The following MAP2K1 variants were observed in gnomAD, a reference collection of about 807,000 sequenced individuals.
MAP2K1 encodes mitogen-activated protein kinase kinase 1, also known as dual specificity mitogen-activated protein kinase kinase 1.
Under a neutral mutation model 46.3 loss-of-function variants are expected in MAP2K1, and 16 were observed. The observed-to-expected ratio is 0.35, with a 90% CI of 0.23 to 0.52. MAP2K1 has a LOEUF of 0.52. MAP2K1 is among the 20% of genes least tolerant of loss of function. The pLI is 0.94. For missense variants in MAP2K1, 263 were observed against 497.1 expected, an observed-to-expected ratio of 0.53 and a Z score of 4.48; for synonymous variants, 183 against 185.6, an observed-to-expected ratio of 0.99 and a Z score of 0.11.
intron 1 of MAP2K1, among the ~76,000 whole-genome samples, chr15:66,427,728 C>T (rs901708721): frequency 2.0e-5 from 3 of 151,908 alleles, no homozygotes; most frequent in Non-Finnish European, 2.9e-5. Flanking sequence ...TTTAAGAAAC[C>T]TCTCTGGCCA....
chr15:66,485,147 C>A lies in MAP2K1; in HGVS notation c.851C>A (p.Ala284Asp), dbSNP rs1338185628. 4 of 1,613,902 alleles carry A rather than the reference C, an allele frequency of 2.5e-6. No homozygotes were observed. In the African/African-American group the frequency reaches 5.3e-5, roughly 22 times the overall value. The stretch of plus-strand genomic sequence containing the variant: ...GGGTGCCAGGTGGAAGGAGATGCGG[C>A]TGAGACCCCACCCAGGCCAAGGACC... ...MFGCQVEGDA[A>D]ETPPRPRTPG... The change falls in exon 7 of 11, where the codon GCT becomes GAT. Residue 284 changes from alanine to aspartate, a missense_variant. By Grantham distance (126) the Ala-to-Asp change is moderately radical. This residue lies in a region of MAP2K1 where 118 missense variants were observed against 193.0 expected (regional missense o/e 0.61). Transcript: ENST00000307102.
intron 5 of MAP2K1, among the ~76,000 whole-genome samples, chr15:66,470,676 T>G (rs895126992): frequency 2.0e-4 from 30 of 152,132 alleles, no homozygotes; most frequent in African/African-American, 7.0e-4. Context: ...CAAAGATAGC[T>G]CAAGCTGGTA....
intron 4 of MAP2K1, among the ~76,000 whole-genome samples, chr15:66,443,982 C>T (rs1323244151): frequency 2.7e-5 from 4 of 150,810 alleles, no homozygotes; most frequent in Non-Finnish European, 5.9e-5. Context: ...TCATGCTTGT[C>T]ATCCCAGCAC....
At chr15:66,393,205 TCTCA>T (rs1218625805) in intron 1 of MAP2K1, among the ~76,000 whole-genome samples, 2 of 150,948 alleles carry the variant, frequency 1.3e-5, no homozygotes, top group African/African-American at 4.9e-5. Context: ...TGAGACCGAG[TCTCA>T]CTCTGTTGCC....
At chr15:66,402,325 ATGTC>A (rs1290637914) in intron 1 of MAP2K1, among the ~76,000 whole-genome samples, 1 of 152,142 alleles carries the variant, frequency 6.6e-6, no homozygotes, top group African/African-American at 2.4e-5. Context: ...TATGAGGTGT[ATGTC>A]TAAGTTAATT....
At chr15:66,485,214 A>G in intron 7 of MAP2K1, 23 bp downstream of exon 7, 2 of 1,606,164 alleles carry the variant, frequency 1.2e-6, no homozygotes, top group Non-Finnish European at 8.5e-7. Context: ...GTGTGTCCCC[A>G]TCTTGGACTG....
chr15:66,464,568 A>C (rs1471901312), intron 5 of MAP2K1, among the ~76,000 whole-genome samples: 1 of 152,142 alleles, frequency 6.6e-6, no homozygotes, highest in Non-Finnish European at 1.5e-5. Context: ...CTTGTTGCCC[A>C]GGCTAGAGTG....
intron 1 of MAP2K1, among the ~76,000 whole-genome samples, chr15:66,426,710 C>T (rs1259764390): frequency 5.3e-5 from 8 of 152,144 alleles, no homozygotes. Context: ...AGGTGTGAAG[C>T]CTTTAGGAGT....
chr15:66,428,004 ACT>A (rs1330893373), intron 1 of MAP2K1, among the ~76,000 whole-genome samples: 1 of 151,914 alleles, frequency 6.6e-6, no homozygotes, highest in Non-Finnish European at 1.5e-5. Context: ...ACAGGGCAAG[ACT>A]CTGTCTCCAA....
intron 1 of MAP2K1, among the ~76,000 whole-genome samples, chr15:66,424,816 C>T (rs7176130): frequency 2.1e-4 from 26 of 123,798 alleles, no homozygotes; most frequent in Admixed American, 6.1e-4. Context: ...TTTTTTTTTG[C>T]GATGGAATTT....
In MAP2K1 at chr15:66,489,486, C is replaced by T. The variant is rs369569915; in HGVS notation, c.1022+210C>T. 5.3e-5 allele frequency: 35 copies of T among 665,672 alleles called. No homozygotes were observed. The East Asian group carries it at 8.3e-4, about 16-fold the overall frequency. 41.2% of individuals were successfully genotyped at this position (665,672 alleles called of 1,614,324 possible). A position where few individuals can be genotyped will look rare whatever the true frequency, so the allele number is the denominator to read the frequency against. ...CTACATCATGGATGTAGTAGCTGCT[C>T]CTTTTGGTACTTGCTCTCCAGGGAT... On this transcript the variant is annotated intron_variant, in intron 9 of 10. Coordinates refer to ENST00000307102, the MANE Select transcript of MAP2K1 (RefSeq NM_002755.4).
chr15:66,437,641 T>C (rs920553041), intron 3 of MAP2K1, among the ~76,000 whole-genome samples: 7 of 152,222 alleles, frequency 4.6e-5, no homozygotes, highest in Admixed American at 1.3e-4. Flanking sequence ...CCCTGACCTT[T>C]AGAATAGGGA....
At chr15:66,438,328 C>T (rs1276309509) in intron 3 of MAP2K1, among the ~76,000 whole-genome samples, 1 of 152,082 alleles carries the variant, frequency 6.6e-6, no homozygotes, top group Non-Finnish European at 1.5e-5. Context: ...ACCTCATGAT[C>T]TGCCCGCCTC....
intron 1 of MAP2K1, among the ~76,000 whole-genome samples, chr15:66,389,988 T>C (rs2093353050): frequency 6.6e-6 from 1 of 152,198 alleles, no homozygotes; most frequent in South Asian, 2.1e-4. Context: ...AGGTAGTACA[T>C]AGTAAACTTC....
chr15:66,418,945 C>CTTTT (rs753511565), intron 1 of MAP2K1, among the ~76,000 whole-genome samples: 3 of 88,888 alleles, frequency 3.4e-5, no homozygotes, highest in African/African-American at 9.3e-5. Context: ...TGTGCCCGGC[C>CTTTT]TTTTTTTTTT....
chr15:66,469,695 C>CAG (rs1318366332), intron 5 of MAP2K1, among the ~76,000 whole-genome samples: 89 of 130,010 alleles, frequency 6.8e-4, no homozygotes, highest in African/African-American at 2.0e-3. Context: ...CTTTTAAAGA[C>CAG]ACACACACAC....
At chr15:66,427,265 AG>A (rs772963943) in intron 1 of MAP2K1, among the ~76,000 whole-genome samples, 8 of 152,178 alleles carry the variant, frequency 5.3e-5, no homozygotes, top group Non-Finnish European at 1.0e-4. Context: ...TTAGTTAAAA[AG>A]AATAACATTT....
At chr15:66,431,413 T>C (rs1254515910) in intron 1 of MAP2K1, among the ~76,000 whole-genome samples, 1 of 152,208 alleles carries the variant, frequency 6.6e-6, no homozygotes. Flanking sequence ...GGATCTTTGT[T>C]TCACCTTCAG....
intron 5 of MAP2K1, among the ~76,000 whole-genome samples, chr15:66,446,011 G>T (rs922387488): frequency 6.6e-6 from 1 of 152,116 alleles, no homozygotes; most frequent in Non-Finnish European, 1.5e-5. Context: ...ATCACCTGAG[G>T]TCAGGAGTTT....
Sources: gnomAD v4.1 joint callset for allele counts (sites outside exome capture counted in the v4.1 genomes callset) on GRCh38, gnomAD v4.1.1 for gene constraint, gnomAD v4.1.1 regional missense constraint, MANE v1.5 for transcripts, NCBI Gene and HGNC (gene_info 2026-07-23, HGNC 2026-07-21) for gene names.